The following RNF138 variants were observed in gnomAD, a reference collection of about 807,000 sequenced individuals.
RNF138 encodes the protein ring finger protein 138, also known as E3 ubiquitin-protein ligase RNF138.
Under a neutral mutation model 31.0 loss-of-function variants are expected in RNF138, and 12 were observed. That is an observed-to-expected ratio of 0.39 (90% CI 0.25 to 0.63). The LOEUF (loss-of-function observed/expected upper bound fraction) is 0.63. RNF138 is among the 20% of genes least tolerant of loss of function. The pLI is 0.52. For synonymous variants in RNF138, 105 were observed against 99.5 expected, an observed-to-expected ratio of 1.06 and a Z score of -0.33; for missense variants, 192 against 300.1, an observed-to-expected ratio of 0.64 and a Z score of 2.66.
chr18:32,127,574 G>A (rs1204051204), intron 7 of RNF138, among the ~76,000 whole-genome samples: 2 of 152,098 alleles, frequency 1.3e-5, no homozygotes, highest in East Asian at 3.8e-4. Flanking sequence ...AAATTTTGTA[G>A]AATTTGCATT....
chr18:32,093,121 TCTCC>T (rs2039734953), intron 2 of RNF138, among the ~76,000 whole-genome samples: 1 of 147,220 alleles, frequency 6.8e-6, no homozygotes, highest in Non-Finnish European at 1.5e-5. Context: ...GCTCTCCCGC[TCTCC>T]CGCTCTCCCG....
chr18:32,103,314 A>C (rs2039973397), intron 2 of RNF138, among the ~76,000 whole-genome samples: 1 of 151,988 alleles, frequency 6.6e-6, no homozygotes, highest in Non-Finnish European at 1.5e-5. Flanking sequence ...TCATCCTTGC[A>C]AGTAGCTGAG....
intron 4 of RNF138, among the ~76,000 whole-genome samples, chr18:32,119,956 C>G (rs2040277541): frequency 6.6e-6 from 1 of 152,024 alleles, no homozygotes; most frequent in Non-Finnish European, 1.5e-5. Context: ...TCTGGCAGTT[C>G]TTATAATCTA....
Position 32,092,845 on chromosome 18 carries a change from G to T in RNF138, c.69G>T (p.Glu23Asp). The change falls in exon 2 of 8, where the codon GAG (glutamate) becomes GAT (aspartate). Residue 23 changes from glutamate to aspartate, a missense_variant. By Grantham distance (45) the Glu-to-Asp change is conservative. Around this residue, in one of 2 missense-constraint regions of RNF138, gnomAD observed 52 missense variants for 48.4 expected, o/e 1.07. Transcript: ENST00000261593. ...EDDFYCPVCQ[E>D]VLKTPVRTTA... ...ATTTCTACTGCCCCGTCTGTCAGGA[G>T]GTGCTCAAAACGCCCGTGCGGACCA... 1 of 1,595,424 alleles carries T rather than the reference G, an allele frequency of 6.3e-7. No individual in the cohort carries two copies. Among genetic ancestry groups the T allele is most frequent in the Non-Finnish European group, 8.5e-7 (1 of 1,173,700 alleles).
chr18:32,123,196 G>A (rs2040333319), intron 4 of RNF138, among the ~76,000 whole-genome samples: 1 of 152,162 alleles, frequency 6.6e-6, no homozygotes, highest in Non-Finnish European at 1.5e-5. Context: ...GGTAAAGGTA[G>A]AGGAATGGGA....
chr18:32,126,649 ATTG>A, intron 6 of RNF138, 41 bp from the exon 7 acceptor site: 1 of 1,149,438 alleles, frequency 8.7e-7, no homozygotes, highest in Non-Finnish European at 1.3e-6. Flanking sequence ...ATAATATTTC[ATTG>A]TTTTTATTAT....
At chr18:32,095,771 C>G (rs750316581) in intron 2 of RNF138, among the ~76,000 whole-genome samples, 2 of 152,144 alleles carry the variant, frequency 1.3e-5, no homozygotes, top group African/African-American at 2.4e-5. Flanking sequence ...CCATTCATTC[C>G]CTGAAACTGC....
At chr18:32,123,398 G>T (rs543303746) in intron 4 of RNF138, 120 bp from the exon 5 acceptor site, 2 of 591,318 alleles carry the variant, frequency 3.4e-6, no homozygotes, top group East Asian at 6.2e-5. Flanking sequence ...AAGGTGTATT[G>T]AAGTTCAGAC....
At chr18:32,113,926 T>TA in intron 4 of RNF138, 66 bp downstream of exon 4, 5 of 814,160 alleles carry the variant, frequency 6.1e-6, no homozygotes, top group Non-Finnish European at 8.0e-6. Context: ...TTGGGAACTA[T>TA]ATGATAAGGT....
At chr18:32,100,498 G>C (rs189607485) in intron 2 of RNF138, among the ~76,000 whole-genome samples, 8 of 111,088 alleles carry the variant, frequency 7.2e-5, no homozygotes, top group African/African-American at 2.6e-4. Flanking sequence ...TTTTTGAGAC[G>C]GAGTTTTGCT....
chr18:32,094,542 C>T (rs2039770377), intron 2 of RNF138, among the ~76,000 whole-genome samples: 1 of 151,918 alleles, frequency 6.6e-6, no homozygotes, highest in Non-Finnish European at 1.5e-5. Flanking sequence ...TGAGTGTTCA[C>T]AGGCATGTGT....
chr18:32,123,760 C>G (rs1457775706), intron 5 of RNF138, among the ~76,000 whole-genome samples, 186 bp downstream of exon 5: 1 of 149,464 alleles, frequency 6.7e-6, no homozygotes, highest in East Asian at 2.0e-4. Flanking sequence ...TCAAGTGATT[C>G]TCCTGCCTCA....
Position 32,119,811 on chromosome 18 carries a change from T to C in RNF138, c.393-3707T>C, listed in dbSNP as rs146926956. Among the ~76,000 whole-genome samples, 529 of 152,336 alleles carry C rather than the reference T, an allele frequency of 3.5e-3. 5 individuals are homozygous for C. The highest frequency in any genetic ancestry group is 0.012 in the African/African-American group (494 of 41,590). ...TCTTTTTCTAGTAAAACCTTATAGT[T>C]TTTGTTGCTATAAAAATGAGCCCCC... is the stretch of plus-strand genomic sequence containing the variant. On this transcript the variant is annotated intron_variant, in intron 4 of 7. Coordinates refer to ENST00000261593, the MANE Select transcript of RNF138 (RefSeq NM_016271.5).
chr18:32,108,432 T>C (rs1482804459), intron 2 of RNF138, among the ~76,000 whole-genome samples: 2 of 152,132 alleles, frequency 1.3e-5, no homozygotes, highest in Non-Finnish European at 2.9e-5. Flanking sequence ...TTTGTACTCT[T>C]TTATATCTGG....
intron 2 of RNF138, among the ~76,000 whole-genome samples, chr18:32,104,157 G>A (rs1350594884): frequency 6.6e-6 from 1 of 151,672 alleles, no homozygotes; most frequent in Non-Finnish European, 1.5e-5. Context: ...GGGATTACAG[G>A]TATATGCCAC....
chr18:32,110,284 C>T (rs906905978), intron 2 of RNF138, among the ~76,000 whole-genome samples: 5 of 152,204 alleles, frequency 3.3e-5, no homozygotes, highest in Admixed American at 6.5e-5. Context: ...TGAGCCACTA[C>T]GCCCTGCCTA....
At chr18:32,128,669 A>C (rs1340289928) in intron 7 of RNF138, among the ~76,000 whole-genome samples, 2 of 152,114 alleles carry the variant, frequency 1.3e-5, no homozygotes, top group Non-Finnish European at 2.9e-5. Flanking sequence ...CTTCAGTTTT[A>C]TTTTTCATTT....
At position 32,114,123 on chromosome 18, in the gene RNF138, AAAT is replaced by A. The variant is rs537086118; in HGVS notation, c.392+266_392+268del. Among the ~76,000 whole-genome samples, 26 of 152,318 alleles carry A rather than the reference AAAT, an allele frequency of 1.7e-4. No homozygotes were observed. The East Asian group carries it at 4.8e-3, about 28-fold the overall frequency. ...AAGAATTTTCATTTTTTTGAGTAAA[AAAT>A]AAGTTGGAGATTTTTCTCTTACTGA... On this transcript the variant is annotated intron_variant, in intron 4 of 7. Transcript: ENST00000261593.
chr18:32,125,439 AAG>A (rs1251501594), intron 6 of RNF138, among the ~76,000 whole-genome samples: 3 of 152,310 alleles, frequency 2.0e-5, no homozygotes, highest in Admixed American at 2.0e-4. Context: ...ATGATCCTAG[AAG>A]TGTTTCATAG....
Sources: gnomAD v4.1 joint callset for allele counts (sites outside exome capture counted in the v4.1 genomes callset) on GRCh38, gnomAD v4.1.1 for gene constraint, gnomAD v4.1.1 regional missense constraint, MANE v1.5 for transcripts, NCBI Gene and HGNC (gene_info 2026-07-23, HGNC 2026-07-21) for gene names.